The following MEIS2 variants were observed in gnomAD, a reference collection of about 807,000 sequenced individuals.
MEIS2 encodes the protein homeobox protein Meis2.
In MEIS2, 9 loss-of-function variants were observed where a neutral mutation model predicts 58.6. The observed-to-expected ratio is 0.15, with a 90% confidence interval of 0.09 to 0.27. MEIS2 has a LOEUF of 0.27. Ranked by LOEUF, MEIS2 falls within the 10% of genes least tolerant of loss-of-function variation. MEIS2 has a pLI of 1.00. For missense variants in MEIS2, 427 were observed against 635.0 expected (o/e 0.67, Z 3.52); for synonymous variants, 221 against 228.4 (o/e 0.97, Z 0.29).
chr15:36,990,828 C>T (rs1219394942), intron 8 of MEIS2, among the ~76,000 whole-genome samples: 1 of 151,694 alleles, frequency 6.6e-6, no homozygotes, highest in Non-Finnish European at 1.5e-5. Context: ...AAAAAAAAGA[C>T]TGATATTGAG....
At chr15:37,088,208 T>C (rs955131130) in intron 6 of MEIS2, among the ~76,000 whole-genome samples, 13 of 152,080 alleles carry the variant, frequency 8.5e-5, no homozygotes, top group African/African-American at 2.9e-4. Flanking sequence ...CACAACTATA[T>C]AACATCAAGA....
At chr15:36,915,460 T>G (rs1352640174) in intron 9 of MEIS2, among the ~76,000 whole-genome samples, 1 of 152,168 alleles carries the variant, frequency 6.6e-6, no homozygotes, top group Non-Finnish European at 1.5e-5. Context: ...AACACTGATT[T>G]ATGTTTTATA....
chr15:36,977,860 T>G (rs977069273), intron 8 of MEIS2, among the ~76,000 whole-genome samples: 1 of 152,174 alleles, frequency 6.6e-6, no homozygotes, highest in Non-Finnish European at 1.5e-5. Context: ...GCATCAAAAG[T>G]GTAACCAGAG....
In MEIS2 at chr15:36,890,034, T is replaced by C. The variant is rs2055793271; in HGVS notation, c.*2139A>G. On this transcript the variant is annotated 3_prime_UTR_variant, in exon 12 of 12. Coordinates refer to ENST00000561208, the MANE Select transcript of MEIS2 (RefSeq NM_170675.5). ...AAGTGTATTTCCTCGTTCATTTATA[T>C]AGAACCTCCATAAATGCTGTCTGAA... The C allele has an allele frequency of 6.6e-6, 1 of 152,218 alleles. No homozygotes were observed. The highest frequency in any genetic ancestry group is 2.4e-5 in the African/African-American group (1 of 41,470). The allele number at this position is 152,218 out of a possible 1,614,324, so 9.4% of individuals were successfully genotyped here.
intron 1 of MEIS2, chr15:37,098,527 GA>G (rs1421257040): frequency 1.9e-6 from 1 of 519,382 alleles, no homozygotes; most frequent in Non-Finnish European, 2.8e-6. Flanking sequence ...AAGTTGTGAG[GA>G]AAAAATGTTA....
At chr15:36,919,268 A>G (rs1469873659) in intron 9 of MEIS2, among the ~76,000 whole-genome samples, 1 of 152,156 alleles carries the variant, frequency 6.6e-6, no homozygotes, top group Non-Finnish European at 1.5e-5. Flanking sequence ...AATATTATCA[A>G]TGTTTTATGT....
intron 7 of MEIS2, among the ~76,000 whole-genome samples, chr15:37,056,953 C>T (rs1888510814): frequency 6.6e-6 from 1 of 152,170 alleles, no homozygotes; most frequent in South Asian, 2.1e-4. Flanking sequence ...GTGGGAATTT[C>T]GTGGGTTCCA....
intron 3 of MEIS2, chr15:37,096,049 T>G: frequency 4.1e-6 from 2 of 491,356 alleles, no homozygotes; most frequent in South Asian, 3.3e-5. Flanking sequence ...TAGGAGCAGG[T>G]CAACTTTAAT....
intron 8 of MEIS2, among the ~76,000 whole-genome samples, chr15:37,017,990 G>C (rs1197943081): frequency 2.0e-5 from 3 of 152,130 alleles, no homozygotes; most frequent in Admixed American, 6.5e-5. Context: ...TTTAATGCAG[G>C]CAATGTGGTA....
intron 8 of MEIS2, among the ~76,000 whole-genome samples, chr15:36,979,449 G>A (rs1328919720): frequency 6.6e-6 from 1 of 151,902 alleles, no homozygotes; most frequent in Non-Finnish European, 1.5e-5. Context: ...GCCAACATTG[G>A]TGCTTTGGCG....
At chr15:37,000,819 G>T (rs1171829221) in intron 8 of MEIS2, among the ~76,000 whole-genome samples, 2 of 152,098 alleles carry the variant, frequency 1.3e-5, no homozygotes, top group East Asian at 3.9e-4. Context: ...CAAAAAACAA[G>T]CAACTTTTCT....
intron 9 of MEIS2, among the ~76,000 whole-genome samples, chr15:36,945,336 T>C (rs1298135924): frequency 6.6e-6 from 1 of 152,086 alleles, no homozygotes; most frequent in East Asian, 1.9e-4. Flanking sequence ...ACTCAGTTCC[T>C]GTCCATATTT....
chr15:36,931,337 G>T (rs2057970195), intron 9 of MEIS2, among the ~76,000 whole-genome samples: 2 of 152,156 alleles, frequency 1.3e-5, no homozygotes, highest in African/African-American at 4.8e-5. Flanking sequence ...TGTATCTGAG[G>T]CTGACATTAC....
At chr15:36,952,686 T>G (rs183728648) in intron 8 of MEIS2, among the ~76,000 whole-genome samples, 72 of 151,224 alleles carry the variant, frequency 4.8e-4, no homozygotes, top group Admixed American at 3.2e-3. Context: ...AAGGTTTAGA[T>G]GAAATAAAGG....
intron 7 of MEIS2, among the ~76,000 whole-genome samples, chr15:37,064,130 C>A (rs1001035570): frequency 6.6e-6 from 1 of 151,768 alleles, no homozygotes. Context: ...ATTATCTCAA[C>A]CAAAATAAAA....
chr15:37,021,947 T>G (rs966943389), intron 8 of MEIS2, among the ~76,000 whole-genome samples: 5 of 152,266 alleles, frequency 3.3e-5, no homozygotes, highest in Non-Finnish European at 5.9e-5. Context: ...CTCAAAATAC[T>G]TTTGGAATAT....
At chr15:36,984,922 A>G (rs1377008791) in intron 8 of MEIS2, among the ~76,000 whole-genome samples, 1 of 152,162 alleles carries the variant, frequency 6.6e-6, no homozygotes, top group Non-Finnish European at 1.5e-5. Flanking sequence ...TTTCTGTGGT[A>G]TCAGTTGCAA....
At chr15:36,964,763 G>C (rs756709384) in intron 8 of MEIS2, among the ~76,000 whole-genome samples, 1 of 151,986 alleles carries the variant, frequency 6.6e-6, no homozygotes. Flanking sequence ...GATACATTTT[G>C]GAAACACTCA....
chr15:37,064,840 C>A (rs1385281537), intron 7 of MEIS2, among the ~76,000 whole-genome samples: 1 of 152,130 alleles, frequency 6.6e-6, no homozygotes, highest in East Asian at 1.9e-4. Flanking sequence ...AATCAACAAA[C>A]AACTACAACA....
Sources: gnomAD v4.1 joint callset for allele counts (sites outside exome capture counted in the v4.1 genomes callset) on GRCh38, gnomAD v4.1.1 for gene constraint, MANE v1.5 for transcripts, NCBI Gene and HGNC (gene_info 2026-07-23, HGNC 2026-07-21) for gene names.